The following PSPH variants were observed in gnomAD, a reference collection of about 807,000 sequenced individuals.
The protein encoded by PSPH is L-3-phosphoserine phosphatase.
In PSPH, 16 loss-of-function variants were observed where a neutral mutation model predicts 23.4. The observed-to-expected ratio is 0.68, with a 90% confidence interval of 0.46 to 1.04. The LOEUF (loss-of-function observed/expected upper bound fraction) is 1.04. PSPH is among the 50% of genes least tolerant of loss of function. PSPH has a pLI of 0.00. For synonymous variants in PSPH, 68 were observed against 99.7 expected (o/e 0.68, Z 1.89); for missense variants, 223 against 273.7 (o/e 0.81, Z 1.31).
At chr7:56,037,515 C>T (rs1352841062) in intron 1 of PSPH, among the ~76,000 whole-genome samples, 1 of 151,410 alleles carries the variant, frequency 6.6e-6, no homozygotes, top group Non-Finnish European at 1.5e-5. Flanking sequence ...AACTCCTGGG[C>T]TCAAGCAATC....
intron 3 of PSPH, among the ~76,000 whole-genome samples, chr7:56,021,657 G>A (rs755008256): frequency 5.4e-4 from 81 of 151,020 alleles, no homozygotes; most frequent in Non-Finnish European, 9.4e-4. Context: ...GCATTAAAGC[G>A]GAGGTGTGAG....
chr7:56,011,959 G>T, intron 7 of PSPH, 90 bp from the exon 8 acceptor site: 1 of 1,034,944 alleles, frequency 9.7e-7, no homozygotes, highest in Non-Finnish European at 1.4e-6. Flanking sequence ...AGGCTGGAGT[G>T]CAGTGACACA....
At chr7:56,040,437 AG>A (rs1792377352) in intron 1 of PSPH, among the ~76,000 whole-genome samples, 1 of 152,038 alleles carries the variant, frequency 6.6e-6, no homozygotes. Context: ...GTCTCTGTCC[AG>A]GCTGGAGTTC....
At chr7:56,036,000 G>T (rs183508741) in intron 1 of PSPH, among the ~76,000 whole-genome samples, 1 of 152,008 alleles carries the variant, frequency 6.6e-6, no homozygotes, top group Admixed American at 6.6e-5. Flanking sequence ...AGGCCGAGGT[G>T]GGTGTATCAT....
At chr7:56,017,196 C>T in intron 6 of PSPH, 38 bp downstream of exon 6, 2 of 1,613,208 alleles carry the variant, frequency 1.2e-6, no homozygotes, top group Non-Finnish European at 8.5e-7. Flanking sequence ...AACAATGGAA[C>T]TGCTAAGAAA....
chr7:56,031,819 AG>A (rs1225257600), intron 3 of PSPH, 109 bp downstream of exon 3: 1 of 153,416 alleles, frequency 6.5e-6, no homozygotes, highest in African/African-American at 2.4e-5. Context: ...GTCTCAAAAA[AG>A]AGTAAACTGC....
In PSPH at chr7:56,023,452, G is replaced by A. The variant is rs1373645197; in HGVS notation, c.-19-2221C>T. On this transcript the variant is annotated intron_variant, in intron 3 of 7. Transcript: ENST00000275605. Reference sequence around the variant, plus strand: ...TTATAAATTTTTTTTTGAAGAGATGGGGGTCTTGCTATGTTGCCCAGAATG... The same window carrying A: ...TTATAAATTTTTTTTTGAAGAGATGAGGGTCTTGCTATGTTGCCCAGAATG... Among the ~76,000 whole-genome samples the A allele has an allele frequency of 4.6e-5, 7 of 151,460 alleles. No individual in the cohort carries two copies. In the East Asian group the frequency reaches 1.4e-3, roughly 30 times the overall value.
chr7:56,047,726 G>A (rs1793442817), intron 1 of PSPH, among the ~76,000 whole-genome samples: 1 of 151,502 alleles, frequency 6.6e-6, no homozygotes, highest in African/African-American at 2.4e-5. Flanking sequence ...GAGTGCAGTG[G>A]CGTGATCTTG....
chr7:56,027,687 CAAA>C (rs35102510), intron 3 of PSPH, among the ~76,000 whole-genome samples: 18 of 102,312 alleles, frequency 1.8e-4, no homozygotes, highest in Admixed American at 3.3e-4. Flanking sequence ...GACTCCATCT[CAAA>C]AAAAAAAAAA....
Position 56,039,690 on chromosome 7 carries a change from C to T in PSPH, c.-291-5584G>A, listed in dbSNP as rs183321116. Among the ~76,000 whole-genome samples the T allele has an allele frequency of 3.8e-3, 559 of 147,710 alleles. 3 individuals are homozygous for T. The highest frequency in any genetic ancestry group is 0.013 in the African/African-American group (536 of 39,972). ...ACTTGTGAGGCTGAAGCAGGGAAAT[C>T]GCTTGAACCCAGGAAGTGGAGGTTG... On this transcript the variant is annotated intron_variant, in intron 1 of 7. Transcript: ENST00000275605.
intron 1 of PSPH, among the ~76,000 whole-genome samples, chr7:56,044,269 ACTG>A (rs1456495212): frequency 6.6e-6 from 1 of 152,140 alleles, no homozygotes; most frequent in Non-Finnish European, 1.5e-5. Context: ...TCTTGAGGAC[ACTG>A]CTAATGAATA....
Position 56,045,756 on chromosome 7 carries a change from C to T in PSPH, c.-292+5382G>A, listed in dbSNP as rs1793141959. 4.0e-5 allele frequency among the ~76,000 whole-genome samples: 6 copies of T among 151,660 alleles called. No homozygotes were observed. The Admixed American group carries it at 4.0e-4, about 10-fold the overall frequency. On this transcript the variant is annotated intron_variant, in intron 1 of 7. Transcript: ENST00000275605. ...CAAAAATTAGCTGGGTGTGGTGGTG[C>T]ATGCCTATAGTCCCAGCTACTCAGG...
chr7:56,011,615 A>C lies in PSPH; in HGVS notation c.*147T>G. 3 of 575,544 alleles carry C rather than the reference A, an allele frequency of 5.2e-6. No individual in the cohort carries two copies. Among genetic ancestry groups the C allele is most frequent in the East Asian group, 3.2e-5 (1 of 31,678 alleles). 35.7% of individuals were successfully genotyped at this position (575,544 alleles called of 1,614,324 possible). On this transcript the variant is annotated 3_prime_UTR_variant, in exon 8 of 8. Transcript: ENST00000275605. The stretch of plus-strand genomic sequence containing the variant: ...AAAAAAAAAAAAAAAGCAATCTTCT[A>C]GGATTCCTAACTGTAGTTTAAAGTA...
chr7:56,020,352 T>C (rs1208729270), intron 4 of PSPH, among the ~76,000 whole-genome samples: 19 of 152,050 alleles, frequency 1.2e-4, no homozygotes, highest in Admixed American at 1.2e-3. Flanking sequence ...AGTGTCCGGG[T>C]GCAGCAGCTC....
chr7:56,043,711 G>A (rs1019166047), intron 1 of PSPH, among the ~76,000 whole-genome samples: 1 of 147,494 alleles, frequency 6.8e-6, no homozygotes, highest in African/African-American at 2.5e-5. Context: ...GCGTGGTGGC[G>A]CACACCTGTT....
intron 1 of PSPH, among the ~76,000 whole-genome samples, chr7:56,037,056 C>G (rs1791819890): frequency 6.6e-6 from 1 of 151,846 alleles, no homozygotes; most frequent in South Asian, 2.1e-4. Context: ...CGCCTGTAAT[C>G]TCAGCTACTG....
rs541957347 is a variant in PSPH, at chr7:56,033,562, G to A, written c.-146+399C>T. On this transcript the variant is annotated intron_variant, in intron 2 of 7. Coordinates refer to ENST00000275605, the MANE Select transcript of PSPH (RefSeq NM_004577.4). Reference sequence around the variant, plus strand: ...AATATAATAAATATATTTAATGAATGAAAGCATGATTTATTTAATTCCCAA... The same window carrying A: ...AATATAATAAATATATTTAATGAATAAAAGCATGATTTATTTAATTCCCAA... 9 of 151,232 alleles carry A rather than the reference G, an allele frequency of 6.0e-5. 1 individual carries two copies. In the South Asian group the frequency reaches 1.9e-3, roughly 32 times the overall value. 9.4% of individuals were successfully genotyped at this position (151,232 alleles called of 1,614,324 possible).
At chr7:56,049,157 C>T (rs1370850136) in intron 1 of PSPH, among the ~76,000 whole-genome samples, 1 of 151,718 alleles carries the variant, frequency 6.6e-6, no homozygotes, top group Non-Finnish European at 1.5e-5. Flanking sequence ...ATCTCCTGAC[C>T]TTGTGATCTG....
chr7:56,038,165 G>A (rs1163866910), intron 1 of PSPH, among the ~76,000 whole-genome samples: 2 of 151,734 alleles, frequency 1.3e-5, no homozygotes, highest in Non-Finnish European at 2.9e-5. Flanking sequence ...GCGGCCAGGT[G>A]CGGTGGCTCA....
Sources: allele counts gnomAD v4.1 joint callset (sites outside exome capture counted in the v4.1 genomes callset), GRCh38; gene constraint gnomAD v4.1.1; transcripts MANE v1.5; gene names NCBI Gene and HGNC (gene_info 2026-07-23, HGNC 2026-07-21).